The following FRMD3 variants were observed in gnomAD, a reference collection of about 807,000 sequenced individuals.
FRMD3 encodes the protein FERM domain containing 3.
A neutral mutation model predicts 70.2 loss-of-function variants in FRMD3; 33 were observed. That is an observed-to-expected ratio of 0.47 (90% CI 0.36 to 0.63). The LOEUF (loss-of-function observed/expected upper bound fraction) is 0.63. Among genes scored for constraint, FRMD3 ranks in the 20% least tolerant of loss-of-function variants. The pLI, the probability that FRMD3 is intolerant of heterozygous loss-of-function variation, is 0.00. For missense variants in FRMD3, 632 were observed against 711.4 expected (o/e 0.89, Z 1.27); for synonymous variants, 279 against 255.9 (o/e 1.09, Z -0.86).
At chr9:83,395,711 G>A (rs1001236610) in intron 1 of FRMD3, among the ~76,000 whole-genome samples, 2 of 151,698 alleles carry the variant, frequency 1.3e-5, no homozygotes, top group African/African-American at 4.8e-5. Flanking sequence ...ATAAATTTGT[G>A]CTTAAAGAAA....
chr9:83,422,528 A>C (rs947665936), intron 1 of FRMD3, among the ~76,000 whole-genome samples: 16 of 152,356 alleles, frequency 1.1e-4, no homozygotes, highest in African/African-American at 3.8e-4. Flanking sequence ...TTTGTCAGTA[A>C]ATAGTTTAAT....
chr9:83,558,781 A>G, the FRMD3 span, among the ~76,000 whole-genome samples: 2 of 152,378 alleles, frequency 1.3e-5, no homozygotes, highest in Non-Finnish European at 2.9e-5. Flanking sequence ...AAACATTAAT[A>G]GGAATTTCAA....
At chr9:83,336,136 A>G (rs1823569822) in intron 5 of FRMD3, among the ~76,000 whole-genome samples, 1 of 152,146 alleles carries the variant, frequency 6.6e-6, no homozygotes, top group South Asian at 2.1e-4. Flanking sequence ...GGAGACTATA[A>G]TTAGAAACAA....
At chr9:83,377,839 C>T (rs772142611) in intron 2 of FRMD3, among the ~76,000 whole-genome samples, 31 of 152,074 alleles carry the variant, frequency 2.0e-4, no homozygotes, top group Non-Finnish European at 3.8e-4. Context: ...TAACACAGTA[C>T]ATTACACAAA....
At chr9:83,252,697 GA>G (rs1347560828) in intron 13 of FRMD3, among the ~76,000 whole-genome samples, 2 of 151,766 alleles carry the variant, frequency 1.3e-5, no homozygotes, top group Non-Finnish European at 2.9e-5. Context: ...ATGGAAAACA[GA>G]AAAAAAGCAG....
intron 1 of FRMD3, among the ~76,000 whole-genome samples, chr9:83,429,476 T>C (rs1826907629): frequency 6.6e-6 from 1 of 152,268 alleles, no homozygotes; most frequent in East Asian, 1.9e-4. Context: ...AAAATGCCCT[T>C]TGCTTTCACT....
chr9:83,397,701 T>A (rs964433258), intron 1 of FRMD3, among the ~76,000 whole-genome samples: 1 of 152,166 alleles, frequency 6.6e-6, no homozygotes, highest in African/African-American at 2.4e-5. Context: ...CAAAGGGCTC[T>A]GTTGCTTGGC....
intron 1 of FRMD3, among the ~76,000 whole-genome samples, chr9:83,397,327 T>A (rs978293619): frequency 3.9e-5 from 6 of 152,126 alleles, no homozygotes; most frequent in African/African-American, 1.4e-4. Flanking sequence ...CAATCCCTAA[T>A]CTGAGGCAAT....
intron 13 of FRMD3, among the ~76,000 whole-genome samples, chr9:83,275,051 A>C (rs554685694): frequency 6.6e-6 from 1 of 152,272 alleles, no homozygotes; most frequent in East Asian, 1.9e-4. Context: ...GGTTTTGGAG[A>C]AAAAAGAAGT....
chr9:83,546,690 T>G, the FRMD3 span, among the ~76,000 whole-genome samples: 4 of 152,024 alleles, frequency 2.6e-5, no homozygotes, highest in South Asian at 8.3e-4. Context: ...ATAAAATAAA[T>G]GTTCCACTCC....
chr9:83,508,674 G>T (rs1263987286), intron 1 of FRMD3, among the ~76,000 whole-genome samples: 1 of 152,054 alleles, frequency 6.6e-6, no homozygotes, highest in Admixed American at 6.5e-5. Flanking sequence ...CACCCCAGGA[G>T]ACACCACAGT....
intron 13 of FRMD3, among the ~76,000 whole-genome samples, chr9:83,256,828 C>G (rs1832730189): frequency 6.6e-6 from 1 of 152,138 alleles, no homozygotes; most frequent in South Asian, 2.1e-4. Flanking sequence ...GAGATATCAT[C>G]TCACACCAGC....
In FRMD3 at chr9:83,335,529, T is replaced by C. The variant is rs1474862234; in HGVS notation, c.583A>G (p.Lys195Glu). The change falls in exon 6 of 14, where the codon AAA (lysine) becomes GAA (glutamate). Residue 195 changes from lysine (K) to glutamate (E), a missense_variant. Coordinates refer to ENST00000304195, the MANE Select transcript of FRMD3 (RefSeq NM_174938.6). The part of the protein sequence containing the change: ...KLERKIVEIH[K>E]NELRGQSPPV... ...CTCAGTAATTACCTGAGTTCATTTT[T>C]ATGAATTTCCACTATTTTTCTTTCC... 2 of 1,612,562 alleles carry C rather than the reference T, an allele frequency of 1.2e-6. No homozygotes were observed. Among genetic ancestry groups the C allele is most frequent in the South Asian group, 2.2e-5 (2 of 90,940 alleles).
Position 83,456,155 on chromosome 9 carries a change from A to AT in FRMD3, c.148-66448dup, listed in dbSNP as rs112922939. Among the ~76,000 whole-genome samples, 1,070 of 152,224 alleles carry AT rather than the reference A, an allele frequency of 7.0e-3. 12 individuals are homozygous for AT. Among genetic ancestry groups the AT allele is most frequent in the African/African-American group, 0.024 (1,007 of 41,520 alleles). On this transcript the variant is annotated intron_variant, in intron 1 of 13. Transcript: ENST00000304195. Reference sequence around the variant, plus strand: ...GACAAGCAACCATGAATATATTAATATTTTGTCCTCTTTTTAATATAAATG... The same window carrying AT: ...GACAAGCAACCATGAATATATTAATATTTTTGTCCTCTTTTTAATATAAATG...
chr9:83,452,772 A>G (rs1053835379), intron 1 of FRMD3, among the ~76,000 whole-genome samples: 1 of 149,450 alleles, frequency 6.7e-6, no homozygotes, highest in African/African-American at 2.5e-5. Context: ...GTGAGCCACC[A>G]CGCCCGGCCT....
chr9:83,517,494 CAAAAAAA>C (rs59178344), intron 1 of FRMD3, among the ~76,000 whole-genome samples: 1 of 65,536 alleles, frequency 1.5e-5, no homozygotes, highest in African/African-American at 6.6e-5. Flanking sequence ...CCTACCAATC[CAAAAAAA>C]AAAAAAAAAA....
the FRMD3 span, among the ~76,000 whole-genome samples, chr9:83,556,345 C>CA: frequency 2.0e-5 from 3 of 152,216 alleles, no homozygotes; most frequent in Admixed American, 6.5e-5. Context: ...TATTGACCTA[C>CA]AGCCAGCAAG....
At chr9:83,414,639 G>A (rs943089344) in intron 1 of FRMD3, among the ~76,000 whole-genome samples, 5 of 152,132 alleles carry the variant, frequency 3.3e-5, no homozygotes, top group African/African-American at 1.2e-4. Context: ...CTACACATAA[G>A]CAGAAAGACA....
At chr9:83,403,426 T>G (rs1399712623) in intron 1 of FRMD3, among the ~76,000 whole-genome samples, 1 of 152,114 alleles carries the variant, frequency 6.6e-6, no homozygotes, top group Non-Finnish European at 1.5e-5. Context: ...GATAATGTTT[T>G]AAAGGGGCTT....
Sources: gnomAD v4.1 joint callset for allele counts (sites outside exome capture counted in the v4.1 genomes callset) on GRCh38, gnomAD v4.1.1 for gene constraint, MANE v1.5 for transcripts, NCBI Gene and HGNC (gene_info 2026-07-23, HGNC 2026-07-21) for gene names.